The following GRM8 variants were observed in gnomAD, a reference collection of about 807,000 sequenced individuals.
GRM8 encodes metabotropic glutamate receptor 8.
A neutral mutation model predicts 87.2 loss-of-function variants in GRM8; 47 were observed. The observed-to-expected ratio is 0.54, with a 90% CI of 0.43 to 0.69. The LOEUF (loss-of-function observed/expected upper bound fraction) is 0.69, where lower values mean the gene tolerates loss of function less well. Ranked by LOEUF, GRM8 falls within the 30% of genes least tolerant of loss-of-function variation. The probability of loss-of-function intolerance (pLI) is 0.00; values close to 1 mark genes in which losing one functional copy is unlikely to be tolerated. For missense variants in GRM8, 1,019 were observed against 1,139.2 expected (o/e 0.89, Z 1.52); for synonymous variants, 396 against 404.5 (o/e 0.98, Z 0.25).
chr7:126,561,879 T>C (rs529437565), intron 8 of GRM8, among the ~76,000 whole-genome samples: 369 of 66,606 alleles, frequency 5.5e-3, no homozygotes, highest in African/African-American at 0.013. Context: ...ATGCGGTGTT[T>C]GGTTTTTTTG....
intron 3 of GRM8, chr7:127,080,578 G>C (rs1822746007): frequency 1.3e-5 from 2 of 152,032 alleles, no homozygotes; most frequent in Non-Finnish European, 2.9e-5. Flanking sequence ...TTTAAAAGTA[G>C]GCATGTGACT....
chr7:126,868,489 T>C (rs1482543782), intron 6 of GRM8, among the ~76,000 whole-genome samples: 2 of 152,202 alleles, frequency 1.3e-5, no homozygotes, highest in African/African-American at 4.8e-5. Context: ...AGAGAAATGG[T>C]AGAACACTGT....
chr7:126,479,030 T>C (rs1441347124), intron 9 of GRM8, among the ~76,000 whole-genome samples: 1 of 152,102 alleles, frequency 6.6e-6, no homozygotes, highest in Non-Finnish European at 1.5e-5. Flanking sequence ...CTTTAGTCTC[T>C]ACATCAATCA....
At chr7:126,888,131 T>C (rs575988869) in intron 6 of GRM8, among the ~76,000 whole-genome samples, 60 of 152,184 alleles carry the variant, frequency 3.9e-4, no homozygotes, top group African/African-American at 1.4e-3. Context: ...AGGGCTTCTG[T>C]TTCATAAAAG....
intron 6 of GRM8, among the ~76,000 whole-genome samples, chr7:126,858,001 A>G: frequency 6.6e-6 from 1 of 152,140 alleles, no homozygotes; most frequent in African/African-American, 2.4e-5. Context: ...AGGGAGGGAG[A>G]GGAAGAAACA....
chr7:126,983,575 G>C (rs1354282038), intron 3 of GRM8, among the ~76,000 whole-genome samples: 1 of 152,084 alleles, frequency 6.6e-6, no homozygotes, highest in African/African-American at 2.4e-5. Flanking sequence ...AAGTCAACAG[G>C]CTAAGAAGGG....
At chr7:127,031,200 T>C (rs1201035574) in intron 3 of GRM8, among the ~76,000 whole-genome samples, 1 of 152,146 alleles carries the variant, frequency 6.6e-6, no homozygotes, top group African/African-American at 2.4e-5. Context: ...TTCAAGTCAC[T>C]TCCTGAAATA....
intron 3 of GRM8, among the ~76,000 whole-genome samples, chr7:127,083,505 G>A (rs1823095911): frequency 6.6e-6 from 1 of 152,008 alleles, no homozygotes; most frequent in Non-Finnish European, 1.5e-5. Context: ...CCATCAGAAG[G>A]AACTCCCTCA....
intron 6 of GRM8, among the ~76,000 whole-genome samples, chr7:126,815,541 T>C (rs1049422915): frequency 1.3e-5 from 2 of 152,152 alleles, no homozygotes; most frequent in Non-Finnish European, 2.9e-5. Context: ...TCTTGTTGGC[T>C]AGCCATGGTG....
chr7:127,025,252 G>T (rs1024305543), intron 3 of GRM8, among the ~76,000 whole-genome samples: 2 of 151,968 alleles, frequency 1.3e-5, no homozygotes, highest in Non-Finnish European at 2.9e-5. Flanking sequence ...ATAGAGAGTG[G>T]AGTGAAATCC....
intron 3 of GRM8, among the ~76,000 whole-genome samples, chr7:127,006,568 T>C (rs1814330227): frequency 6.6e-6 from 1 of 152,172 alleles, no homozygotes; most frequent in African/African-American, 2.4e-5. Flanking sequence ...GCCATATTTG[T>C]GTCTCAATTA....
chr7:126,539,281 T>TG lies in GRM8; in HGVS notation c.1495-5395dup, dbSNP rs74313528. On this transcript the variant is annotated intron_variant, in intron 8 of 10. Coordinates refer to ENST00000339582, the MANE Select transcript of GRM8 (RefSeq NM_000845.3). ...ACTACAAAACATCATTGAAAAAAAG[T>TG]GAAAAAAAAAGTATAAATAGTTGAA... Among the ~76,000 whole-genome samples the TG allele has an allele frequency of 9.4e-4, 142 of 151,186 alleles. 4 individuals are homozygous for TG. In the East Asian group the frequency reaches 0.026, roughly 28 times the overall value.
At chr7:127,171,524 T>G (rs926632693) in intron 2 of GRM8, among the ~76,000 whole-genome samples, 1 of 152,154 alleles carries the variant, frequency 6.6e-6, no homozygotes, top group South Asian at 2.1e-4. Context: ...CATCCCAACC[T>G]TAAGCAACCA....
chr7:127,186,964 C>T (rs1036495193), intron 2 of GRM8, among the ~76,000 whole-genome samples: 5 of 152,268 alleles, frequency 3.3e-5, no homozygotes, highest in African/African-American at 1.2e-4. Context: ...ATAAAGGAAT[C>T]CCTAAAGTTC....
At chr7:126,862,474 G>T (rs1437459955) in intron 6 of GRM8, among the ~76,000 whole-genome samples, 1 of 151,762 alleles carries the variant, frequency 6.6e-6, no homozygotes, top group East Asian at 1.9e-4. Flanking sequence ...AGTGCTCTTG[G>T]ATTTTCTATG....
At chr7:126,624,103 GAAC>G (rs1333540509) in intron 7 of GRM8, among the ~76,000 whole-genome samples, 1 of 152,108 alleles carries the variant, frequency 6.6e-6, no homozygotes, top group Non-Finnish European at 1.5e-5. Flanking sequence ...CATTCACACT[GAAC>G]AACAACAATC....
chr7:126,946,391 C>T (rs1382603642), intron 3 of GRM8, among the ~76,000 whole-genome samples: 1 of 152,188 alleles, frequency 6.6e-6, no homozygotes, highest in African/African-American at 2.4e-5. Context: ...GTTGGAGCTA[C>T]TTGGGAGACT....
intron 7 of GRM8, among the ~76,000 whole-genome samples, chr7:126,626,969 C>T (rs1800769294): frequency 6.6e-6 from 1 of 152,144 alleles, no homozygotes; most frequent in Non-Finnish European, 1.5e-5. Context: ...GATTTAATAT[C>T]TTTATATTGT....
At chr7:126,811,477 A>G (rs992887491) in intron 6 of GRM8, among the ~76,000 whole-genome samples, 2 of 151,952 alleles carry the variant, frequency 1.3e-5, no homozygotes, top group African/African-American at 4.8e-5. Context: ...TAATGACATT[A>G]ATTCTTCTGA....
Sources: allele counts gnomAD v4.1 joint callset (sites outside exome capture counted in the v4.1 genomes callset), GRCh38; gene constraint gnomAD v4.1.1; transcripts MANE v1.5; gene names NCBI Gene and HGNC (gene_info 2026-07-23, HGNC 2026-07-21).